The following SH3PXD2B variants were observed in gnomAD, a reference collection of about 807,000 sequenced individuals.
The protein encoded by SH3PXD2B is SH3 and PX domain-containing protein 2B.
In SH3PXD2B, 37 loss-of-function variants were observed where a neutral mutation model predicts 73.1. The observed-to-expected ratio is 0.51, with a 90% CI of 0.39 to 0.67. The LOEUF is 0.67. SH3PXD2B is among the 30% of genes least tolerant of loss of function. The pLI, the probability that SH3PXD2B is intolerant of heterozygous loss-of-function variation, is 0.00. For synonymous variants in SH3PXD2B, 457 were observed against 480.5 expected, an observed-to-expected ratio of 0.95 and a Z score of 0.64; for missense variants, 1,053 against 1,197.8, an observed-to-expected ratio of 0.88 and a Z score of 1.78.
At chr5:172,403,396 C>T (rs936084218) in intron 3 of SH3PXD2B, among the ~76,000 whole-genome samples, 2 of 152,170 alleles carry the variant, frequency 1.3e-5, no homozygotes, top group African/African-American at 4.8e-5. Context: ...GCGCTTCTTT[C>T]GTGCTTCCCT....
chr5:172,412,102 G>C (rs1396068382), intron 2 of SH3PXD2B, among the ~76,000 whole-genome samples: 1 of 152,164 alleles, frequency 6.6e-6, no homozygotes, highest in African/African-American at 2.4e-5. Context: ...CTTAGCATAA[G>C]GTCCTCAAGC....
chr5:172,394,256 T>C (rs561567009), intron 4 of SH3PXD2B, among the ~76,000 whole-genome samples: 251 of 152,306 alleles, frequency 1.6e-3, no homozygotes, highest in Non-Finnish European at 2.5e-3. Context: ...AGAGGATGTT[T>C]TAATAGTAGG....
Position 172,325,321 on chromosome 5 carries a change from C to T in SH3PXD2B, c.1248G>A (p.Met416Ile). The change falls in exon 13 of 13, where the codon ATG (methionine) becomes ATA (isoleucine). Residue 416 changes from methionine (M) to isoleucine (I), a missense_variant. By Grantham distance (10) the Met-to-Ile change is conservative (BLOSUM62 1). Coordinates refer to the SH3PXD2B transcript ENST00000519643. ...CCACGTGCTTCCCAAGTGCTGTCCG[C>T]ATCTTGATTCTTCTAAGAGGGACTT... is the stretch of plus-strand genomic sequence containing the variant. 3 of 1,535,498 alleles carry T rather than the reference C, an allele frequency of 2.0e-6. No individual in the cohort carries two copies. In the South Asian group the frequency reaches 3.6e-5, roughly 18 times the overall value.
intron 4 of SH3PXD2B, among the ~76,000 whole-genome samples, chr5:172,383,175 G>A (rs564822936): frequency 3.3e-5 from 5 of 152,228 alleles, no homozygotes; most frequent in African/African-American, 7.2e-5. Flanking sequence ...CTTAACTCAC[G>A]AATCTGAAGC....
intron 12 of SH3PXD2B, among the ~76,000 whole-genome samples, chr5:172,342,676 G>A (rs1346220385): frequency 2.6e-5 from 4 of 152,144 alleles, no homozygotes; most frequent in East Asian, 1.9e-4. Flanking sequence ...CAGGAGAAAC[G>A]CTTGAACCTG....
chr5:172,348,674 T>TC lies in SH3PXD2B; in HGVS notation c.1013-1343dup, dbSNP rs1259117980. 7.3e-5 allele frequency among the ~76,000 whole-genome samples: 6 copies of TC among 81,786 alleles called. No individual in the cohort carries two copies. The East Asian group carries it at 2.4e-3, about 32-fold the overall frequency. The allele number at this position is 81,786 out of a possible 152,430, so 53.7% of individuals were successfully genotyped here. On this transcript the variant is annotated intron_variant, in intron 10 of 12. Coordinates refer to ENST00000311601, the MANE Select transcript of SH3PXD2B (RefSeq NM_001017995.3). The stretch of plus-strand genomic sequence containing the variant: ...TCTATCCTATCTATCTATCTATCTA[T>TC]CTATCTATCTATCTATCTATCTATC...
At chr5:172,426,150 C>T (rs1462620056) in intron 1 of SH3PXD2B, among the ~76,000 whole-genome samples, 1 of 152,190 alleles carries the variant, frequency 6.6e-6, no homozygotes, top group South Asian at 2.1e-4. Flanking sequence ...TCTGAACATA[C>T]AGTGCAAGGA....
In SH3PXD2B at chr5:172,339,156, G is replaced by C; in HGVS notation, c.1949C>G (p.Pro650Arg). 1.2e-6 allele frequency: 2 copies of C among 1,614,224 alleles called. No homozygotes were observed. The highest frequency in any genetic ancestry group is 1.7e-6 in the Non-Finnish European group (2 of 1,180,042). Residue 650 changes from proline to arginine, a missense_variant, in exon 13 of 13, where the codon CCC becomes CGC. Physicochemically the swap from Pro to Arg is moderately radical, Grantham distance 103 (BLOSUM62 -2). This residue lies in a region of SH3PXD2B where 587 missense variants were observed against 590.7 expected (regional missense o/e 0.99). Transcript: ENST00000311601. The surrounding 1 kb of genome is among the most constrained non-coding windows in gnomAD (Gnocchi z 6.1). ...TTCGCCCTGAGGTGGCTCCGTTTTG[G>C]GGGAAGGAGCTGGTTTTGGCCTAAC... is the stretch of plus-strand genomic sequence containing the variant. ...PQVRPKPAPS[P>R]KTEPPQGEDQ...
Position 172,377,867 on chromosome 5 carries a change from G to T in SH3PXD2B, c.402-4052C>A, listed in dbSNP as rs182517211. Among the ~76,000 whole-genome samples the T allele has an allele frequency of 1.8e-3, 275 of 152,310 alleles. 2 individuals carry two copies. The highest frequency in any genetic ancestry group is 6.4e-3 in the African/African-American group (265 of 41,556). On this transcript the variant is annotated intron_variant, in intron 5 of 12. Transcript: ENST00000311601. ...TCTATTTGTGTATGCATGGGTGCCT[G>T]TGTACCCACATGTTCACACAGCTTT...
At chr5:172,453,708 C>A (rs769373035) in intron 1 of SH3PXD2B, among the ~76,000 whole-genome samples, 73 of 152,198 alleles carry the variant, frequency 4.8e-4, no homozygotes, top group Non-Finnish European at 9.4e-4. Context: ...AGAGAGGGGG[C>A]AGGGGATGTT....
At chr5:172,447,466 A>T (rs1759694571) in intron 1 of SH3PXD2B, among the ~76,000 whole-genome samples, 1 of 152,218 alleles carries the variant, frequency 6.6e-6, no homozygotes, top group Admixed American at 6.5e-5. Context: ...ATGATCATAA[A>T]TGATACTAGG....
intron 6 of SH3PXD2B, among the ~76,000 whole-genome samples, chr5:172,372,510 G>A (rs1209180641): frequency 6.6e-6 from 1 of 152,120 alleles, no homozygotes; most frequent in Non-Finnish European, 1.5e-5. Context: ...AAATTATCCA[G>A]TCACAGGTAT....
chr5:172,336,939 C>T lies in SH3PXD2B; in HGVS notation c.*1430G>A, dbSNP rs569099248. ...AAAAAGAAAAAAACATTACAAATGC[C>T]GGAGAGGCACAGGAAGCAGCTCTGC... On this transcript the variant is annotated 3_prime_UTR_variant, in exon 13 of 13. Transcript: ENST00000311601. 3.2e-5 allele frequency: 32 copies of T among 985,536 alleles called. No homozygotes were observed. In the Middle Eastern group the frequency reaches 1.6e-3, roughly 48 times the overall value. 61.0% of individuals were successfully genotyped at this position (985,536 alleles called of 1,614,324 possible). A position where few individuals can be genotyped will look rare whatever the true frequency, so the allele number is the denominator to read the frequency against.
intron 1 of SH3PXD2B, among the ~76,000 whole-genome samples, chr5:172,434,835 G>A (rs1161968620): frequency 6.7e-6 from 1 of 149,238 alleles, no homozygotes; most frequent in Non-Finnish European, 1.5e-5. Flanking sequence ...CCAGGATGGA[G>A]TGCAGTGGCA....
rs1294600900 is a variant in SH3PXD2B, at chr5:172,406,315, T to G, written c.194A>C (p.Gln65Pro). The G allele has an allele frequency of 6.2e-7, 1 of 1,614,138 alleles. No homozygotes were observed. The highest frequency in any genetic ancestry group is 8.5e-7 in the Non-Finnish European group (1 of 1,180,012). Residue 65 changes from glutamine to proline, a missense_variant, in exon 3 of 13, where the codon CAG (glutamine) becomes CCG (proline). By Grantham distance (76) the Gln-to-Pro change is moderately conservative. Transcript: ENST00000311601. Reference sequence around the variant, plus strand: ...GATGATCCGCTGCTTGGGGTCCTTCTGTCCTCCTTCCATGGGAAATTTGTC... The same window carrying G: ...GATGATCCGCTGCTTGGGGTCCTTCGGTCCTCCTTCCATGGGAAATTTGTC... The part of the protein sequence containing the change: ...MLDKFPMEGG[Q>P]KDPKQRIIPF...
intron 2 of SH3PXD2B, among the ~76,000 whole-genome samples, chr5:172,420,868 A>G (rs547162097): frequency 6.6e-6 from 1 of 151,864 alleles, no homozygotes; most frequent in Non-Finnish European, 1.5e-5. Context: ...GGATAAAGCC[A>G]GCACCATGGA....
Position 172,336,691 on chromosome 5 carries a change from A to T in SH3PXD2B, c.*1678T>A. 1 of 73,066 alleles carries T rather than the reference A, an allele frequency of 1.4e-5. No homozygotes were observed. The highest frequency in any genetic ancestry group is 1.7e-5 in the Non-Finnish European group (1 of 57,402). 4.5% of individuals were successfully genotyped at this position (73,066 alleles called of 1,614,324 possible). A position where few individuals can be genotyped will look rare whatever the true frequency, so the allele number is the denominator to read the frequency against. On this transcript the variant is annotated 3_prime_UTR_variant, in exon 13 of 13. Coordinates refer to ENST00000311601, the MANE Select transcript of SH3PXD2B (RefSeq NM_001017995.3). ...GAACTGGAGATCTCTGGGGCAGGGC[A>T]GGGTGGGGAGGGGCGGGGCAGGGCA...
rs1467902645 is a variant in SH3PXD2B, at chr5:172,368,673, T to A, written c.427+5117A>T. 1.0e-4 allele frequency among the ~76,000 whole-genome samples: 4 copies of A among 38,332 alleles called. 1 individual carries two copies. Among genetic ancestry groups the A allele is most frequent in the African/African-American group, 7.4e-4 (4 of 5,398 alleles). The allele number at this position is 38,332 out of a possible 152,430, so 25.1% of individuals were successfully genotyped here. ...ATAAAATATATATATTATATATATA[T>A]AAAATATATATGTTATATATATAAA... On this transcript the variant is annotated intron_variant, in intron 6 of 12. Coordinates refer to ENST00000311601, the MANE Select transcript of SH3PXD2B (RefSeq NM_001017995.3).
intron 6 of SH3PXD2B, among the ~76,000 whole-genome samples, chr5:172,366,262 T>G (rs1040424544): frequency 2.0e-5 from 3 of 152,162 alleles, no homozygotes; most frequent in Non-Finnish European, 4.4e-5. Flanking sequence ...CCCCAGGGTC[T>G]GAGAGGGGCT....
Sources: gnomAD v4.1 joint callset for allele counts (sites outside exome capture counted in the v4.1 genomes callset) on GRCh38, gnomAD v4.1.1 for gene constraint, gnomAD v4.1.1 regional missense constraint, Gnocchi (gnomAD v3.1) non-coding constraint, MANE v1.5 for transcripts, NCBI Gene and HGNC (gene_info 2026-07-23, HGNC 2026-07-21) for gene names.